The following ARPC1B variants were observed in gnomAD, a reference collection of about 807,000 sequenced individuals.
The protein encoded by ARPC1B is actin related protein 2/3 complex subunit 1B, also known as actin-related protein 2/3 complex subunit 1B.
A neutral mutation model predicts 46.0 loss-of-function variants in ARPC1B; 29 were observed. That is an observed-to-expected ratio of 0.63 (90% CI 0.47 to 0.86). The LOEUF (loss-of-function observed/expected upper bound fraction) is 0.86. Among genes scored for constraint, ARPC1B ranks in the 40% least tolerant of loss-of-function variants. The probability of loss-of-function intolerance (pLI) is 0.00; values close to 1 mark genes in which losing one functional copy is unlikely to be tolerated. For missense variants in ARPC1B, 469 were observed against 529.4 expected (o/e 0.89, Z 1.12); for synonymous variants, 201 against 213.9 (o/e 0.94, Z 0.53).
chr7:99,390,841 G>C, intron 5 of ARPC1B, 52 bp from the exon 6 acceptor site: 1 of 1,515,452 alleles, frequency 6.6e-7, no homozygotes. Context: ...GAGAGTACAG[G>C]TGCGCACCAC....
At chr7:99,385,427 G>T (rs540343890) in intron 1 of ARPC1B, among the ~76,000 whole-genome samples, 8 of 152,016 alleles carry the variant, frequency 5.3e-5, no homozygotes, top group African/African-American at 1.9e-4. Context: ...CTGTAGTACC[G>T]TCTCCTCCAC....
At chr7:99,390,060 G>C (rs1265901560) in intron 5 of ARPC1B, 48 bp downstream of exon 5, 2 of 1,532,328 alleles carry the variant, frequency 1.3e-6, no homozygotes, top group African/African-American at 1.4e-5. Context: ...TCAACTGACT[G>C]CTGACATCAT....
chr7:99,386,609 G>T, intron 2 of ARPC1B, 76 bp from the exon 3 acceptor site: 1 of 1,119,572 alleles, frequency 8.9e-7, no homozygotes, highest in Non-Finnish European at 1.4e-6. Flanking sequence ...TTGTTGCCTA[G>T]GTGCACTGTG....
chr7:99,383,187 T>C (rs1336772850), intron 1 of ARPC1B, among the ~76,000 whole-genome samples: 2 of 151,940 alleles, frequency 1.3e-5, no homozygotes, highest in African/African-American at 4.8e-5. Flanking sequence ...GAGGGCTGGG[T>C]AGGGTGGCGT....
intron 1 of ARPC1B, among the ~76,000 whole-genome samples, chr7:99,382,935 C>T (rs1350378458): frequency 6.8e-6 from 1 of 147,524 alleles, no homozygotes; most frequent in Non-Finnish European, 1.5e-5. Flanking sequence ...ACCTCTGCCT[C>T]TCAGGTTCAA....
At chr7:99,383,331 A>G (rs1025959982) in intron 1 of ARPC1B, among the ~76,000 whole-genome samples, 1 of 152,120 alleles carries the variant, frequency 6.6e-6, no homozygotes. Context: ...TTTCTCAAAT[A>G]TACACACACA....
chr7:99,390,135 G>GT, intron 5 of ARPC1B, 123 bp downstream of exon 5: 1 of 833,894 alleles, frequency 1.2e-6, no homozygotes, highest in African/African-American at 1.7e-5. Flanking sequence ...CCTGCTACCA[G>GT]TGGATGACCT....
intron 1 of ARPC1B, among the ~76,000 whole-genome samples, chr7:99,378,128 C>T (rs768746119): frequency 3.3e-5 from 5 of 152,026 alleles, no homozygotes; most frequent in Admixed American, 6.6e-5. Context: ...GACGAGATCT[C>T]GGCTCACTGC....
intron 1 of ARPC1B, among the ~76,000 whole-genome samples, chr7:99,378,292 C>T (rs1794089992): frequency 6.6e-6 from 1 of 151,530 alleles, no homozygotes; most frequent in Non-Finnish European, 1.5e-5. Flanking sequence ...GGCTGGTCTC[C>T]GAACTCCTGG....
chr7:99,390,967 G>C lies in ARPC1B; in HGVS notation c.575G>C (p.Gly192Ala). 6.2e-7 allele frequency: 1 copy of C among 1,613,924 alleles called. No individual in the cohort carries two copies. Among genetic ancestry groups the C allele is most frequent in the East Asian group, 2.2e-5 (1 of 44,872 alleles). The stretch of plus-strand genomic sequence containing the variant: ...CCGTGGGGCTCCAAGATGCCCTTTG[G>C]GGAACTGATGTTCGAATCCAGCAGT... ...PTPWGSKMPF[G>A]ELMFESSSSC... The change falls in exon 6 of 10, where the codon GGG (glycine) becomes GCG (alanine). Residue 192 changes from glycine (G) to alanine (A), a missense_variant. By Grantham distance (60) the Gly-to-Ala change is moderately conservative. Coordinates refer to ENST00000646101, the MANE Select transcript of ARPC1B (RefSeq NM_005720.4).
chr7:99,394,416 C>G, intron 9 of ARPC1B, 35 bp from the exon 10 acceptor site: 2 of 1,571,698 alleles, frequency 1.3e-6, no homozygotes, highest in Non-Finnish European at 1.8e-6. Flanking sequence ...TGCAGGACAG[C>G]TGAGAACCAG....
At position 99,386,732 on chromosome 7, in the gene ARPC1B, A is replaced by G; in HGVS notation, c.112A>G (p.Ser38Gly). The change falls in exon 3 of 10, where the codon AGC becomes GGC. Residue 38 changes from serine (S) to glycine (G), a missense_variant. Coordinates refer to ENST00000646101, the MANE Select transcript of ARPC1B (RefSeq NM_005720.4). ...CCATGAGGTGCATATCTATGAAAAG[A>G]GCGGTGCCAAATGGACCAAGGTGCA... ...NNHEVHIYEK[S>G]GAKWTKVHEL... is the part of the protein sequence containing the mutation. The G allele has an allele frequency of 6.2e-7, 1 of 1,614,140 alleles. No homozygotes were observed.
chr7:99,394,779 TAAAA>T lies in ARPC1B; in HGVS notation c.*309_*312del, dbSNP rs773085531. ...GTGGAGGTAATAAAATGCAACTGTG[TAAAA>T]AAAAAAAAAAAAAAAAAAGTAATTA... On this transcript the variant is annotated 3_prime_UTR_variant, in exon 10 of 10. Coordinates refer to ENST00000646101, the MANE Select transcript of ARPC1B (RefSeq NM_005720.4). 1,791 of 953,268 alleles carry T rather than the reference TAAAA, an allele frequency of 1.9e-3. No individual in the cohort carries two copies. Among genetic ancestry groups the T allele is most frequent in the East Asian group, 4.0e-3 (65 of 16,370 alleles). The allele number at this position is 953,268 out of a possible 1,614,324, so 59.1% of individuals were successfully genotyped here.
intron 7 of ARPC1B, chr7:99,392,003 G>A (rs10953288): frequency 0.19 from 28,714 of 150,444 alleles, 5,483 homozygotes; most frequent in African/African-American, 0.5. Context: ...GTGAGCCAAG[G>A]GTGAGCCACC....
In ARPC1B at chr7:99,389,719, C is replaced by T. The variant is rs1395181182; in HGVS notation, c.393-186C>T. On this transcript the variant is annotated intron_variant, in intron 4 of 9. Coordinates refer to ENST00000646101, the MANE Select transcript of ARPC1B (RefSeq NM_005720.4). Reference sequence around the variant, plus strand: ...GGGCACAGAGTTCCCACTCCAGAAGCGACACAGCACATCCCTGCCGCCCCA... The same window carrying T: ...GGGCACAGAGTTCCCACTCCAGAAGTGACACAGCACATCCCTGCCGCCCCA... The T allele has an allele frequency of 6.6e-6, 4 of 609,010 alleles. No individual in the cohort carries two copies. The Admixed American group carries it at 8.5e-5, about 13-fold the overall frequency. 37.7% of individuals were successfully genotyped at this position (609,010 alleles called of 1,614,324 possible). A position where few individuals can be genotyped will look rare whatever the true frequency, so the allele number is the denominator to read the frequency against.
In ARPC1B at chr7:99,388,262, G is replaced by A. The variant is rs1408966860; in HGVS notation, c.392+1G>A. On this transcript the variant is annotated splice_donor_variant, in intron 4 of 9. Transcript: ENST00000646101. LOFTEE classifies it high-confidence loss of function. ...GTTATTTCGAGCAGGAGAATGACTG[G>A]TGGGTACCTAGGCAGGGCCAGAGTG... 1 of 1,613,744 alleles carries A rather than the reference G, an allele frequency of 6.2e-7. No homozygotes were observed. The highest frequency in any genetic ancestry group is 8.5e-7 in the Non-Finnish European group (1 of 1,179,764).
intron 1 of ARPC1B, among the ~76,000 whole-genome samples, chr7:99,384,433 C>G (rs1011502810): frequency 3.9e-5 from 6 of 152,104 alleles, no homozygotes; most frequent in African/African-American, 1.4e-4. Flanking sequence ...ACAAACAAAT[C>G]AAAAATTAGT....
chr7:99,391,141 G>A, intron 6 of ARPC1B, 37 bp from the exon 7 acceptor site: 5 of 1,613,624 alleles, frequency 3.1e-6, no homozygotes, highest in Non-Finnish European at 4.2e-6. Flanking sequence ...GAGTGCAGAG[G>A]AGTGGGACAC....
intron 1 of ARPC1B, among the ~76,000 whole-genome samples, chr7:99,377,632 C>T (rs1294794287): frequency 1.4e-5 from 2 of 140,630 alleles, no homozygotes; most frequent in African/African-American, 2.6e-5. Context: ...TCTTCTTCTT[C>T]TTTTTTTTTT....
Sources: allele counts gnomAD v4.1 joint callset (sites outside exome capture counted in the v4.1 genomes callset), GRCh38; gene constraint gnomAD v4.1.1; transcripts MANE v1.5; gene names NCBI Gene and HGNC (gene_info 2026-07-23, HGNC 2026-07-21).